The following CAPZB variants were observed in gnomAD, a reference collection of about 807,000 sequenced individuals.
CAPZB encodes the protein F-actin-capping protein subunit beta.
CAPZB carries 2 observed loss-of-function variants against 38.1 expected under a neutral mutation model. The ratio of observed to expected loss-of-function variants is 0.05; its 90% CI spans 0.02 to 0.17. The LOEUF is 0.17. Among genes scored for constraint, CAPZB ranks in the 10% least tolerant of loss-of-function variants. CAPZB has a pLI of 1.00. For missense variants in CAPZB, 161 were observed against 334.2 expected, an observed-to-expected ratio of 0.48 and a Z score of 4.04; for synonymous variants, 107 against 127.4, an observed-to-expected ratio of 0.84 and a Z score of 1.08.
At chr1:19,426,612 G>A (rs1390557722) in intron 1 of CAPZB, among the ~76,000 whole-genome samples, 1 of 152,144 alleles carries the variant, frequency 6.6e-6, no homozygotes, top group Non-Finnish European at 1.5e-5. Context: ...ACTGCCCCGA[G>A]GCCACCCTGT....
chr1:19,426,530 T>A (rs1163323333), intron 1 of CAPZB, among the ~76,000 whole-genome samples: 7 of 152,082 alleles, frequency 4.6e-5, no homozygotes, highest in Non-Finnish European at 8.8e-5. Context: ...TGATGCCCTA[T>A]GACTTGTGAG....
intron 6 of CAPZB, among the ~76,000 whole-genome samples, chr1:19,349,480 C>T (rs1358424437): frequency 2.6e-5 from 4 of 152,200 alleles, no homozygotes; most frequent in African/African-American, 4.8e-5. Context: ...TGGGCACCAA[C>T]AGCCCAAAGA....
chr1:19,472,667 C>T (rs2100784554), intron 1 of CAPZB, among the ~76,000 whole-genome samples: 1 of 150,798 alleles, frequency 6.6e-6, no homozygotes, highest in African/African-American at 2.5e-5. Context: ...AATGAGGTTC[C>T]ATTTTAGATG....
intron 1 of CAPZB, among the ~76,000 whole-genome samples, chr1:19,472,123 C>T (rs544970106): frequency 6.6e-6 from 1 of 152,204 alleles, no homozygotes; most frequent in South Asian, 2.1e-4. Flanking sequence ...ATAAACGCCT[C>T]CAGATAAAGT....
At chr1:19,484,249 G>C (rs201820417) in intron 1 of CAPZB, 3 of 1,612,448 alleles carry the variant, frequency 1.9e-6, no homozygotes, top group Non-Finnish European at 2.5e-6. Flanking sequence ...CAGTTCAGAG[G>C]GAAGGGGAGG....
intron 3 of CAPZB, among the ~76,000 whole-genome samples, chr1:19,384,256 C>T (rs1038411060): frequency 6.6e-6 from 1 of 152,202 alleles, no homozygotes; most frequent in Non-Finnish European, 1.5e-5. Context: ...CTGCCCTCCC[C>T]TCACTGCCTT....
At chr1:19,369,101 T>C (rs1332688804) in intron 4 of CAPZB, among the ~76,000 whole-genome samples, 1 of 152,200 alleles carries the variant, frequency 6.6e-6, no homozygotes, top group Non-Finnish European at 1.5e-5. Flanking sequence ...ATAAGCAAAC[T>C]TGTTTTCTGC....
At chr1:19,368,475 C>T (rs1356001646) in intron 4 of CAPZB, among the ~76,000 whole-genome samples, 2 of 145,462 alleles carry the variant, frequency 1.4e-5, no homozygotes, top group East Asian at 2.0e-4. Context: ...TGAGAGCCCC[C>T]GTCTCCATTT....
At chr1:19,447,958 A>G (rs918338352) in intron 1 of CAPZB, among the ~76,000 whole-genome samples, 9 of 152,182 alleles carry the variant, frequency 5.9e-5, no homozygotes, top group Admixed American at 5.9e-4. Flanking sequence ...GCACTCTAAT[A>G]AGCTTCCGTC....
chr1:19,449,394 C>A, intron 1 of CAPZB: 1 of 962,242 alleles, frequency 1.0e-6, no homozygotes, highest in Non-Finnish European at 1.2e-6. Context: ...CACTAGCATC[C>A]TTAAGGTGAG....
intron 4 of CAPZB, among the ~76,000 whole-genome samples, chr1:19,359,764 G>C (rs2094042894): frequency 1.3e-5 from 2 of 152,326 alleles, no homozygotes; most frequent in Admixed American, 1.3e-4. Context: ...TTTCCTACGA[G>C]AGGAAAAGGA....
At position 19,427,530 on chromosome 1, in the gene CAPZB, G is replaced by A. The variant is rs2094427365; in HGVS notation, c.4-7780C>T. Among the ~76,000 whole-genome samples, 4 of 152,248 alleles carry A rather than the reference G, an allele frequency of 2.6e-5. No homozygotes were observed. In the South Asian group the frequency reaches 8.3e-4, roughly 32 times the overall value. On this transcript the variant is annotated intron_variant, in intron 1 of 8. Coordinates refer to ENST00000264202, the MANE Select transcript of CAPZB (RefSeq NM_004930.5). ...AAACGTCGAATCTGTTTTCTGCCAT[G>A]TGGCCCGGGAACAGTTTGTGCTGGG...
Position 19,359,617 on chromosome 1 carries a change from C to T in CAPZB, c.330-2054G>A, listed in dbSNP as rs980967663. Among the ~76,000 whole-genome samples, 8 of 152,220 alleles carry T rather than the reference C, an allele frequency of 5.3e-5. No individual in the cohort carries two copies. The East Asian group carries it at 1.3e-3, about 26-fold the overall frequency. ...TACAGGAGGGCAGATGAGGGCAGGGCTGTCTGGCTAACCAAGTGTCACTCA... is the reference window on the plus strand; with the variant it reads ...TACAGGAGGGCAGATGAGGGCAGGGTTGTCTGGCTAACCAAGTGTCACTCA... On this transcript the variant is annotated intron_variant, in intron 4 of 8. Coordinates refer to ENST00000264202, the MANE Select transcript of CAPZB (RefSeq NM_004930.5).
At chr1:19,455,350 T>C (rs1264327018) in intron 1 of CAPZB, among the ~76,000 whole-genome samples, 2 of 152,260 alleles carry the variant, frequency 1.3e-5, no homozygotes, top group Non-Finnish European at 2.9e-5. Context: ...TCCATTTTTA[T>C]TTCTTAACTC....
chr1:19,402,856 T>C (rs879336766), intron 2 of CAPZB, among the ~76,000 whole-genome samples: 7 of 152,138 alleles, frequency 4.6e-5, no homozygotes, highest in Admixed American at 1.3e-4. Flanking sequence ...GAGACCAGCA[T>C]GGCCAACATG....
In CAPZB at chr1:19,385,638, A is replaced by AG; in HGVS notation, c.94-13_94-12insC. The AG allele has an allele frequency of 6.2e-7, 1 of 1,614,202 alleles. No homozygotes were observed. ...CATAGACTGGGGACCTGGCAGAGAGAAAGGACAAGGTCGAAACAGAGGTTA... is the reference window on the plus strand; with the variant it reads ...CATAGACTGGGGACCTGGCAGAGAGAGAAGGACAAGGTCGAAACAGAGGTTA... On this transcript the variant is annotated splice_polypyrimidine_tract_variant and intron_variant, in intron 2 of 8. Transcript: ENST00000264202.
At chr1:19,363,774 G>C (rs1436727849) in intron 4 of CAPZB, among the ~76,000 whole-genome samples, 1 of 152,132 alleles carries the variant, frequency 6.6e-6, no homozygotes, top group Non-Finnish European at 1.5e-5. Flanking sequence ...AAACGGGAGG[G>C]GAAGAAGGGG....
chr1:19,345,088 G>C, intron 7 of CAPZB, 99 bp downstream of exon 7: 3 of 918,552 alleles, frequency 3.3e-6, no homozygotes, highest in Non-Finnish European at 5.3e-6. Context: ...GTGGAGCTGA[G>C]AGAAAGCAGC....
intron 2 of CAPZB, among the ~76,000 whole-genome samples, chr1:19,417,798 C>T (rs1375182271): frequency 6.6e-6 from 1 of 152,158 alleles, no homozygotes; most frequent in African/African-American, 2.4e-5. Context: ...AGGTTCTACA[C>T]AAAACTGGAC....
Sources: gnomAD v4.1 joint callset for allele counts (sites outside exome capture counted in the v4.1 genomes callset) on GRCh38, gnomAD v4.1.1 for gene constraint, MANE v1.5 for transcripts, NCBI Gene and HGNC (gene_info 2026-07-23, HGNC 2026-07-21) for gene names.